Variants in HELZ observed in about 807,000 individuals in gnomAD.
HELZ encodes helicase with zinc finger.
HELZ carries 23 observed loss-of-function variants against 218.2 expected under a neutral mutation model. The ratio of observed to expected loss-of-function variants is 0.11; its 90% CI spans 0.08 to 0.15. The LOEUF is 0.15. Ranked by LOEUF, HELZ falls within the 10% of genes least tolerant of loss-of-function variation. The pLI is 1.00. For synonymous variants in HELZ, 814 were observed against 829.4 expected (o/e 0.98, Z 0.32); for missense variants, 1,813 against 2,353.7 (o/e 0.77, Z 4.75).
chr17:67,107,197 G>T lies in HELZ; in HGVS notation c.5213C>A (p.Ser1738Tyr). The change falls in exon 31 of 33, where the codon TCT becomes TAT. Residue 1738 changes from serine to tyrosine, a missense_variant. Ser to Tyr is a moderately radical substitution (Grantham distance 144). This residue lies in a region of HELZ where 938 missense variants were observed against 1,027.5 expected (regional missense o/e 0.91). Transcript: ENST00000358691. Reference protein sequence around the residue: ...PFHPLSSRTVSSSSLPSLEEY... With the variant: ...PFHPLSSRTVYSSSLPSLEEY... ...TTCTAAGCTAGGGAGCGAAGAAGAA[G>T]ATACTGTTCGAGATGACAATGGGTG... 1 of 1,614,048 alleles carries T rather than the reference G, an allele frequency of 6.2e-7. No homozygotes were observed. Among genetic ancestry groups the T allele is most frequent in the Non-Finnish European group, 8.5e-7 (1 of 1,179,944 alleles).
rs2035999538 is a variant in HELZ, at chr17:67,075,715, G to GT, written c.*2536dup. 6.6e-6 allele frequency: 1 copy of GT among 152,252 alleles called. No homozygotes were observed. The highest frequency in any genetic ancestry group is 1.5e-5 in the Non-Finnish European group (1 of 68,034). 9.4% of individuals were successfully genotyped at this position (152,252 alleles called of 1,614,324 possible). On this transcript the variant is annotated 3_prime_UTR_variant, in exon 33 of 33. Coordinates refer to ENST00000358691, the MANE Select transcript of HELZ (RefSeq NM_014877.4). ...AATGCTGAGGAAGAGTAAGCTTGTTGTAAGTCAAAATAAGCATTTGATGCA... is the reference window on the plus strand; with the variant it reads ...AATGCTGAGGAAGAGTAAGCTTGTTGTTAAGTCAAAATAAGCATTTGATGCA...
Position 67,161,047 on chromosome 17 carries a change from A to G in HELZ, c.1925T>C (p.Leu642Pro). ...RQWDEQLDPR[L>P]NAKQKEAVLA... Reference sequence around the variant, plus strand: ...AACAGCCTCTTTCTGTTTTGCATTTAGTCGAGGATCCAACTGTTCATCCCA... The same window carrying G: ...AACAGCCTCTTTCTGTTTTGCATTTGGTCGAGGATCCAACTGTTCATCCCA... Residue 642 changes from leucine (L) to proline (P), a missense_variant, in exon 16 of 33, where the codon CTA becomes CCA. Transcript: ENST00000358691. The G allele has an allele frequency of 6.2e-7, 1 of 1,612,344 alleles. No homozygotes were observed. The highest frequency in any genetic ancestry group is 8.5e-7 in the Non-Finnish European group (1 of 1,179,210).
intron 12 of HELZ, among the ~76,000 whole-genome samples, chr17:67,181,108 A>C (rs1028444497): frequency 7.2e-5 from 11 of 152,146 alleles, no homozygotes; most frequent in African/African-American, 2.4e-4. Flanking sequence ...GAATCTATTT[A>C]GTATGTAGCT....
chr17:67,170,289 T>C (rs1160866190), intron 13 of HELZ, among the ~76,000 whole-genome samples: 1 of 152,190 alleles, frequency 6.6e-6, no homozygotes, highest in Non-Finnish European at 1.5e-5. Flanking sequence ...GACTGTTCAA[T>C]ACATCCTTTG....
chr17:67,181,028 G>A (rs563228642), intron 12 of HELZ, among the ~76,000 whole-genome samples: 1 of 151,908 alleles, frequency 6.6e-6, no homozygotes, highest in South Asian at 2.1e-4. Context: ...ACTCCAGCCT[G>A]GCGACAGAGC....
chr17:67,182,453 C>A (rs1264178017), intron 12 of HELZ, among the ~76,000 whole-genome samples: 1 of 151,874 alleles, frequency 6.6e-6, no homozygotes, highest in Non-Finnish European at 1.5e-5. Flanking sequence ...TCAAAAAAAA[C>A]AGAAAGATGA....
intron 32 of HELZ, among the ~76,000 whole-genome samples, chr17:67,084,472 C>T (rs912700263): frequency 6.6e-6 from 1 of 151,536 alleles, no homozygotes; most frequent in Non-Finnish European, 1.5e-5. Context: ...ACCATCCTGG[C>T]TAACACAGTG....
At position 67,167,479 on chromosome 17, in the gene HELZ, G is replaced by T. The variant is rs1187462127; in HGVS notation, c.1748C>A (p.Pro583His). ...CAAACATACCTGTGTGTCACAGTCAGGCCGAAGATTAAGTTCTTCACAGCA... is the reference window on the plus strand; with the variant it reads ...CAAACATACCTGTGTGTCACAGTCATGCCGAAGATTAAGTTCTTCACAGCA... ...RECCEELNLR[P>H]DCDTQVELQF... The change falls in exon 14 of 33, where the codon CCT (proline) becomes CAT (histidine). Residue 583 changes from proline (P) to histidine (H), a missense_variant. By Grantham distance (77) the Pro-to-His change is moderately conservative (BLOSUM62 -2). Around this residue, in one of 4 missense-constraint regions of HELZ, gnomAD observed 714 missense variants for 1,029.2 expected, o/e 0.69. Coordinates refer to ENST00000358691, the MANE Select transcript of HELZ (RefSeq NM_014877.4). 6.2e-7 allele frequency: 1 copy of T among 1,612,186 alleles called. No homozygotes were observed. Among genetic ancestry groups the T allele is most frequent in the Non-Finnish European group, 8.5e-7 (1 of 1,178,646 alleles).
intron 12 of HELZ, among the ~76,000 whole-genome samples, chr17:67,183,962 C>T (rs897195373): frequency 6.7e-6 from 1 of 150,056 alleles, no homozygotes; most frequent in Non-Finnish European, 1.5e-5. Context: ...TCATGGCCTA[C>T]GAATAGAAAA....
At chr17:67,226,265 AAAAAAAG>A (rs1278155955) in intron 3 of HELZ, among the ~76,000 whole-genome samples, 2 of 151,418 alleles carry the variant, frequency 1.3e-5, no homozygotes, top group Non-Finnish European at 1.5e-5. Flanking sequence ...CTCAAAAAAA[AAAAAAAG>A]AAAAAAGGAA....
At chr17:67,183,561 TA>T (rs1567871694) in intron 12 of HELZ, among the ~76,000 whole-genome samples, 1 of 152,184 alleles carries the variant, frequency 6.6e-6, no homozygotes, top group Admixed American at 6.5e-5. Context: ...AGACTCAAAC[TA>T]GAGAAATAAA....
At chr17:67,134,354 C>T (rs1172378406) in intron 23 of HELZ, among the ~76,000 whole-genome samples, 1 of 151,382 alleles carries the variant, frequency 6.6e-6, no homozygotes, top group African/African-American at 2.4e-5. Flanking sequence ...CATTGCATTC[C>T]AGCCTGGGCA....
intron 5 of HELZ, among the ~76,000 whole-genome samples, chr17:67,210,454 T>A (rs1319356503): frequency 6.6e-6 from 1 of 152,236 alleles, no homozygotes; most frequent in Non-Finnish European, 1.5e-5. Flanking sequence ...GATGACTTCT[T>A]ACATTAACAA....
intron 28 of HELZ, among the ~76,000 whole-genome samples, chr17:67,110,274 G>A (rs983607055): frequency 6.6e-6 from 1 of 152,040 alleles, no homozygotes; most frequent in African/African-American, 2.4e-5. Flanking sequence ...CACCATGTTG[G>A]CCAGGCCTGG....
chr17:67,110,897 T>C (rs1338083655), intron 28 of HELZ, among the ~76,000 whole-genome samples: 2 of 152,188 alleles, frequency 1.3e-5, no homozygotes, highest in African/African-American at 4.8e-5. Context: ...AACATATCAC[T>C]AGAGGTACTG....
intron 28 of HELZ, among the ~76,000 whole-genome samples, chr17:67,110,218 C>T (rs1043431031): frequency 7.2e-5 from 11 of 152,038 alleles, no homozygotes; most frequent in Non-Finnish European, 1.6e-4. Context: ...CAGGCATGCA[C>T]CACCACGCCC....
chr17:67,164,470 T>A (rs116936552), intron 15 of HELZ, among the ~76,000 whole-genome samples: 1 of 152,118 alleles, frequency 6.6e-6, no homozygotes, highest in East Asian at 1.9e-4. Context: ...GGGAAATGAG[T>A]TGTCCGATGG....
At chr17:67,084,282 A>G (rs2036285580) in intron 32 of HELZ, among the ~76,000 whole-genome samples, 1 of 152,242 alleles carries the variant, frequency 6.6e-6, no homozygotes, top group East Asian at 1.9e-4. Context: ...AAATGACATG[A>G]GCATTTGCTC....
At chr17:67,242,315 G>A (rs2041334447) in intron 2 of HELZ, among the ~76,000 whole-genome samples, 1 of 151,768 alleles carries the variant, frequency 6.6e-6, no homozygotes, top group Admixed American at 6.6e-5. Flanking sequence ...GGGAAGCTGA[G>A]GCAGGAGAAT....
Sources: gnomAD v4.1 joint callset for allele counts (sites outside exome capture counted in the v4.1 genomes callset) on GRCh38, gnomAD v4.1.1 for gene constraint, gnomAD v4.1.1 regional missense constraint, MANE v1.5 for transcripts, NCBI Gene and HGNC (gene_info 2026-07-23, HGNC 2026-07-21) for gene names.